SHTN1: variants seen among roughly 807,000 people sequenced by gnomAD.
SHTN1 encodes shootin 1, also known as shootin-1.
Under a neutral mutation model 83.1 loss-of-function variants are expected in SHTN1, and 42 were observed. The observed-to-expected ratio is 0.51, with a 90% confidence interval of 0.39 to 0.65. The LOEUF is 0.65. Ranked by LOEUF, SHTN1 falls within the 30% of genes least tolerant of loss-of-function variation. The probability of loss-of-function intolerance (pLI) is 0.00; values close to 1 mark genes in which losing one functional copy is unlikely to be tolerated. For missense variants in SHTN1, 622 were observed against 737.8 expected (o/e 0.84, Z 1.82); for synonymous variants, 224 against 247.7 (o/e 0.90, Z 0.90).
chr10:117,096,339 T>C (rs1403316819), intron 1 of SHTN1, among the ~76,000 whole-genome samples: 1 of 152,236 alleles, frequency 6.6e-6, no homozygotes, highest in Non-Finnish European at 1.5e-5. Context: ...ATATGATAGA[T>C]TTCTTATGAA....
chr10:117,019,091 A>AT (rs2133562660), intron 2 of SHTN1, among the ~76,000 whole-genome samples: 1 of 152,050 alleles, frequency 6.6e-6, no homozygotes, highest in African/African-American at 2.4e-5. Flanking sequence ...ATTATAAAAA[A>AT]TTACTTGTAT....
intron 4 of SHTN1, among the ~76,000 whole-genome samples, chr10:116,957,361 C>CT: frequency 6.7e-6 from 1 of 148,408 alleles, no homozygotes; most frequent in Middle Eastern, 3.6e-3. Flanking sequence ...TCAAGCGATT[C>CT]TCCTGCCTCA....
At chr10:117,019,536 T>C (rs1852230457) in intron 2 of SHTN1, among the ~76,000 whole-genome samples, 1 of 151,868 alleles carries the variant, frequency 6.6e-6, no homozygotes, top group Non-Finnish European at 1.5e-5. Context: ...ACAATATCTA[T>C]ATATTGAAAA....
chr10:117,095,033 G>A (rs1853485357), intron 1 of SHTN1, among the ~76,000 whole-genome samples: 1 of 152,196 alleles, frequency 6.6e-6, no homozygotes, highest in Non-Finnish European at 1.5e-5. Context: ...CTACAAGCAA[G>A]AAGGCTCATT....
chr10:117,124,935 T>G (rs1272320844), intron 1 of SHTN1, among the ~76,000 whole-genome samples: 1 of 152,192 alleles, frequency 6.6e-6, no homozygotes, highest in Non-Finnish European at 1.5e-5. Context: ...AGGTGATGAC[T>G]GGGATACCTG....
At chr10:117,039,542 C>G (rs896498007) in intron 2 of SHTN1, among the ~76,000 whole-genome samples, 1 of 151,980 alleles carries the variant, frequency 6.6e-6, no homozygotes, top group Admixed American at 6.6e-5. Context: ...ATGTATCACT[C>G]TGATAGGGGA....
At chr10:116,902,251 A>G (rs1266714175) in intron 15 of SHTN1, among the ~76,000 whole-genome samples, 1 of 152,168 alleles carries the variant, frequency 6.6e-6, no homozygotes, top group Non-Finnish European at 1.5e-5. Flanking sequence ...GGAATTGTGG[A>G]AAGTCTTTTC....
intron 1 of SHTN1, among the ~76,000 whole-genome samples, chr10:117,049,789 T>C (rs1852715287): frequency 6.6e-6 from 1 of 152,198 alleles, no homozygotes. Context: ...AAAAATTCCA[T>C]GATGCAATAA....
intron 1 of SHTN1, among the ~76,000 whole-genome samples, chr10:117,084,954 T>C (rs182128913): frequency 6.6e-6 from 1 of 152,122 alleles, no homozygotes; most frequent in East Asian, 1.9e-4. Context: ...CCTAGTGAGA[T>C]GAACCCGGTA....
upstream of SHTN1, among the ~76,000 whole-genome samples, chr10:117,007,075 A>G (rs920179704): frequency 4.6e-5 from 7 of 152,158 alleles, no homozygotes; most frequent in South Asian, 6.2e-4. Context: ...ATGGGATTGT[A>G]TTATTCAGCC....
intron 16 of SHTN1, among the ~76,000 whole-genome samples, chr10:116,897,026 T>C (rs1452972288): frequency 6.6e-6 from 1 of 152,078 alleles, no homozygotes; most frequent in African/African-American, 2.4e-5. Context: ...CGGCTGGTCT[T>C]GGACTCCTGA....
chr10:117,046,057 C>A (rs1013206278), intron 2 of SHTN1, among the ~76,000 whole-genome samples: 1 of 151,852 alleles, frequency 6.6e-6, no homozygotes, highest in Non-Finnish European at 1.5e-5. Context: ...AATTGGAACA[C>A]CAGGAGAAGA....
intron 3 of SHTN1, among the ~76,000 whole-genome samples, chr10:116,965,097 G>A (rs1245316505): frequency 6.6e-6 from 1 of 152,226 alleles, no homozygotes; most frequent in Admixed American, 6.5e-5. Flanking sequence ...CTCAGAGAGA[G>A]CTGGCGAGGA....
intron 3 of SHTN1, among the ~76,000 whole-genome samples, chr10:116,964,110 G>A (rs1423253772): frequency 6.6e-6 from 1 of 151,832 alleles, no homozygotes; most frequent in Non-Finnish European, 1.5e-5. Context: ...GTGTCTATTT[G>A]AAGGACTGAA....
intron 13 of SHTN1, among the ~76,000 whole-genome samples, chr10:116,913,637 C>A (rs1456938616): frequency 6.6e-6 from 1 of 152,142 alleles, no homozygotes; most frequent in Non-Finnish European, 1.5e-5. Context: ...GTATTTTTCT[C>A]TAGTAATAGT....
At chr10:116,899,574 G>T (rs866373347) in intron 16 of SHTN1, among the ~76,000 whole-genome samples, 2 of 149,950 alleles carry the variant, frequency 1.3e-5, no homozygotes, top group Non-Finnish European at 2.9e-5. Context: ...CATATGTTGG[G>T]ACAGTAATGT....
At chr10:116,916,948 T>TTTTGCCAAGCAACATGGGAAACATG (rs1360256559) in intron 12 of SHTN1, among the ~76,000 whole-genome samples, 2 of 152,186 alleles carry the variant, frequency 1.3e-5, no homozygotes, top group Non-Finnish European at 2.9e-5. Flanking sequence ...AACAAGTATC[T>TTTTGCCAAGCAACATGGGAAACATG]TTTGCCAAGC....
intron 1 of SHTN1, among the ~76,000 whole-genome samples, chr10:116,992,800 T>C (rs1851486942): frequency 6.6e-6 from 1 of 152,164 alleles, no homozygotes; most frequent in African/African-American, 2.4e-5. Context: ...AAGATCTCTA[T>C]GGTCAGAAGT....
At chr10:117,046,197 A>AC (rs1564940723) in intron 2 of SHTN1, among the ~76,000 whole-genome samples, 24 of 151,896 alleles carry the variant, frequency 1.6e-4, no homozygotes, top group Non-Finnish European at 2.7e-4. Flanking sequence ...CACACACACA[A>AC]AAACTATACC....
Sources: allele counts gnomAD v4.1 joint callset (sites outside exome capture counted in the v4.1 genomes callset), GRCh38; gene constraint gnomAD v4.1.1; transcripts MANE v1.5; gene names NCBI Gene and HGNC (gene_info 2026-07-23, HGNC 2026-07-21).